The following MTMR3 variants were observed in gnomAD, a reference collection of about 807,000 sequenced individuals.
The protein encoded by MTMR3 is phosphatidylinositol-3,5-bisphosphate 3-phosphatase MTMR3.
A neutral mutation model predicts 132.4 loss-of-function variants in MTMR3; 32 were observed. That is an observed-to-expected ratio of 0.24 (90% CI 0.18 to 0.32). The LOEUF is 0.32. Ranked by LOEUF, MTMR3 falls within the 10% of genes least tolerant of loss-of-function variation. The pLI is 1.00. For synonymous variants in MTMR3, 556 were observed against 550.3 expected (o/e 1.01, Z -0.14); for missense variants, 1,216 against 1,489.6 (o/e 0.82, Z 3.02).
intron 1 of MTMR3, among the ~76,000 whole-genome samples, chr22:29,955,357 G>A (rs568826897): frequency 1.3e-5 from 2 of 152,148 alleles, no homozygotes; most frequent in African/African-American, 4.8e-5. Context: ...AAAATAATTT[G>A]TAATAGTATA....
Position 29,908,377 on chromosome 22 carries a change from C to G in MTMR3, c.-138+25018C>G, listed in dbSNP as rs547509052. The stretch of plus-strand genomic sequence containing the variant: ...CAGACCAGAAGAAACCAAAGCAAGA[C>G]CAGAATCATTTCAGTTTTGAGGAAC... On this transcript the variant is annotated intron_variant, in intron 1 of 19. Coordinates refer to ENST00000401950, the MANE Select transcript of MTMR3 (RefSeq NM_021090.4). 3.3e-5 allele frequency among the ~76,000 whole-genome samples: 5 copies of G among 152,296 alleles called. No homozygotes were observed. The South Asian group carries it at 8.3e-4, about 25-fold the overall frequency.
At position 29,964,151 on chromosome 22, in the gene MTMR3, C is replaced by T. The variant is rs374864944; in HGVS notation, c.-84-6825C>T. Among the ~76,000 whole-genome samples, 6 of 152,252 alleles carry T rather than the reference C, an allele frequency of 3.9e-5. 1 individual carries two copies. The Middle Eastern group carries it at 0.01, about 259-fold the overall frequency. ...TTATTTACTGAGTGCATGCATTACT[C>T]GTATATCTAATTTTAAGAAGTATTA... On this transcript the variant is annotated intron_variant, in intron 2 of 19. Coordinates refer to ENST00000401950, the MANE Select transcript of MTMR3 (RefSeq NM_021090.4).
intron 1 of MTMR3, among the ~76,000 whole-genome samples, chr22:29,887,344 A>G (rs898854853): frequency 9.2e-5 from 14 of 152,188 alleles, no homozygotes; most frequent in Non-Finnish European, 2.9e-5. Context: ...TTTCTAACAG[A>G]CTGTGGATCA....
At chr22:29,969,129 G>A (rs1440890742) in intron 2 of MTMR3, among the ~76,000 whole-genome samples, 1 of 152,134 alleles carries the variant, frequency 6.6e-6, no homozygotes, top group African/African-American at 2.4e-5. Flanking sequence ...ATCTTTGTTT[G>A]GATATGTGAT....
chr22:29,977,704 T>C (rs542611118), intron 3 of MTMR3, among the ~76,000 whole-genome samples: 2 of 152,256 alleles, frequency 1.3e-5, no homozygotes, highest in African/African-American at 4.8e-5. Flanking sequence ...GTTTCACTTA[T>C]GTCCCGCTTC....
chr22:29,890,128 G>T (rs1234334154), intron 1 of MTMR3, among the ~76,000 whole-genome samples: 1 of 151,584 alleles, frequency 6.6e-6, no homozygotes, highest in African/African-American at 2.4e-5. Context: ...GGATGGCCTC[G>T]ATCTCCTGAC....
intron 1 of MTMR3, among the ~76,000 whole-genome samples, chr22:29,955,746 G>C (rs2066175909): frequency 6.6e-6 from 1 of 152,024 alleles, no homozygotes; most frequent in Non-Finnish European, 1.5e-5. Flanking sequence ...ATATTTTACT[G>C]ACTTTTTTTT....
At chr22:29,888,744 A>G (rs1337847937) in intron 1 of MTMR3, among the ~76,000 whole-genome samples, 1 of 149,080 alleles carries the variant, frequency 6.7e-6, no homozygotes, top group Non-Finnish European at 1.5e-5. Flanking sequence ...TGGGGTCGAA[A>G]TCTAATTTCT....
chr22:29,921,517 A>G (rs955232611), intron 1 of MTMR3, among the ~76,000 whole-genome samples: 1 of 135,172 alleles, frequency 7.4e-6, no homozygotes, highest in African/African-American at 2.5e-5. Flanking sequence ...TGGATGATTG[A>G]TTTATTTTCT....
At position 30,012,507 on chromosome 22, in the gene MTMR3, C is replaced by T; in HGVS notation, c.1261C>T (p.Pro421Ser). Residue 421 changes from proline (P) to serine (S), a missense_variant, in exon 13 of 20, where the codon CCC (proline) becomes TCC (serine). Pro to Ser is a moderately conservative substitution (Grantham distance 74). Coordinates refer to ENST00000401950, the MANE Select transcript of MTMR3 (RefSeq NM_021090.4). Reference protein sequence around the residue: ...VHCSDGWDRTPQIVALAKLLL... With the variant: ...VHCSDGWDRTSQIVALAKLLL... ...CTGCTCAGATGGCTGGGACCGCACC[C>T]CCCAGATTGTGGCATTGGCTAAGCT... 6.2e-7 allele frequency: 1 copy of T among 1,613,870 alleles called. No individual in the cohort carries two copies. The highest frequency in any genetic ancestry group is 8.5e-7 in the Non-Finnish European group (1 of 1,179,966).
chr22:29,935,898 G>A lies in MTMR3; in HGVS notation c.-137-21138G>A, dbSNP rs373451618. On this transcript the variant is annotated intron_variant, in intron 1 of 19. Transcript: ENST00000401950. ...CTCCCGAGTAGCTGGGACTATAGGC[G>A]CCCGCCACCACGCCTGGCTAATTTT... Among the ~76,000 whole-genome samples, 9 of 152,014 alleles carry A rather than the reference G, an allele frequency of 5.9e-5. No homozygotes were observed. The South Asian group carries it at 1.5e-3, about 25-fold the overall frequency.
intron 1 of MTMR3, among the ~76,000 whole-genome samples, chr22:29,892,510 A>G (rs1161992669): frequency 6.6e-6 from 1 of 152,208 alleles, no homozygotes; most frequent in African/African-American, 2.4e-5. Context: ...TGTTTGGATT[A>G]GCCTGAGCCT....
At chr22:29,911,351 C>T (rs1217496394) in intron 1 of MTMR3, among the ~76,000 whole-genome samples, 2 of 152,036 alleles carry the variant, frequency 1.3e-5, no homozygotes. Context: ...GGAGACCAGC[C>T]TGGGCAACGT....
chr22:30,018,232 C>A, intron 16 of MTMR3, 160 bp downstream of exon 16: 1 of 774,928 alleles, frequency 1.3e-6, no homozygotes, highest in Non-Finnish European at 1.9e-6. Context: ...GATTTCTGAG[C>A]TACGAGGCTG....
intron 1 of MTMR3, among the ~76,000 whole-genome samples, chr22:29,930,626 A>C (rs1348525705): frequency 6.6e-6 from 1 of 152,248 alleles, no homozygotes; most frequent in Admixed American, 6.5e-5. Flanking sequence ...AGGAAGGTCA[A>C]GGCTGCAGTG....
intron 1 of MTMR3, among the ~76,000 whole-genome samples, chr22:29,919,621 C>T (rs1447332004): frequency 6.6e-6 from 1 of 151,958 alleles, no homozygotes; most frequent in Non-Finnish European, 1.5e-5. Context: ...CTCCTGGGCT[C>T]AAGCGATCTT....
Position 30,022,064 on chromosome 22 carries a change from G to C in MTMR3, c.3261G>C (p.Gln1087His), listed in dbSNP as rs945277197. The part of the protein sequence containing the change: ...SIPDSESNLD[Q>H]NCLSRCSTEI... ...CCGACTCGGAAAGCAATCTGGATCA[G>C]AACTGTTTGTCTCGCTGCAGCACAG... Residue 1087 changes from glutamine to histidine, a missense_variant, in exon 18 of 20, where the codon CAG (glutamine) becomes CAC (histidine). Coordinates refer to ENST00000401950, the MANE Select transcript of MTMR3 (RefSeq NM_021090.4). The C allele has an allele frequency of 1.2e-6, 2 of 1,614,226 alleles. No homozygotes were observed. The highest frequency in any genetic ancestry group is 3.3e-5 in the Admixed American group (2 of 60,028).
chr22:30,013,160 G>A, intron 13 of MTMR3, 196 bp from the exon 14 acceptor site: 1 of 456,772 alleles, frequency 2.2e-6, no homozygotes. Flanking sequence ...TAGTGATCAT[G>A]GAATGGAGTT....
chr22:29,975,824 T>A (rs1166153606), intron 3 of MTMR3, among the ~76,000 whole-genome samples: 1 of 152,202 alleles, frequency 6.6e-6, no homozygotes, highest in African/African-American at 2.4e-5. Context: ...CAGGCTGGGC[T>A]TGAACTCCTG....
Sources: allele counts gnomAD v4.1 joint callset (sites outside exome capture counted in the v4.1 genomes callset), GRCh38; gene constraint gnomAD v4.1.1; transcripts MANE v1.5; gene names NCBI Gene and HGNC (gene_info 2026-07-23, HGNC 2026-07-21).